Variants in GALNT5 observed in about 807,000 individuals in gnomAD.
The protein encoded by GALNT5 is polypeptide N-acetylgalactosaminyltransferase 5, also known as UDP-GalNAc:polypeptide N-acetylgalactosaminyltransferase 5.
Under a neutral mutation model 85.4 loss-of-function variants are expected in GALNT5, and 72 were observed. That is an observed-to-expected ratio of 0.84 (90% confidence interval 0.70 to 1.03). GALNT5 has a LOEUF of 1.03. Ranked by LOEUF, GALNT5 falls within the 50% of genes least tolerant of loss-of-function variation. The probability of loss-of-function intolerance (pLI) is 0.00; values close to 1 mark genes in which losing one functional copy is unlikely to be tolerated. For synonymous variants in GALNT5, 404 were observed against 397.0 expected (o/e 1.02, Z -0.21); for missense variants, 1,137 against 1,135.5 (o/e 1.00, Z -0.02).
At chr2:157,274,985 T>C (rs577882519) in intron 1 of GALNT5, among the ~76,000 whole-genome samples, 8 of 152,390 alleles carry the variant, frequency 5.2e-5, no homozygotes, top group Admixed American at 2.0e-4. Flanking sequence ...AAGTCTTTAA[T>C]CCATCTTGAA....
chr2:157,290,836 T>G (rs1004530871), intron 3 of GALNT5, among the ~76,000 whole-genome samples: 1 of 152,120 alleles, frequency 6.6e-6, no homozygotes. Context: ...AGAGGCTCTC[T>G]GAAAGTCTGC....
At chr2:157,274,147 C>T (rs1031952227) in intron 1 of GALNT5, among the ~76,000 whole-genome samples, 12 of 152,142 alleles carry the variant, frequency 7.9e-5, no homozygotes, top group African/African-American at 2.9e-4. Context: ...CTACAAAGGA[C>T]ATGAACTCAT....
intron 3 of GALNT5, among the ~76,000 whole-genome samples, chr2:157,291,815 C>T (rs1042186785): frequency 2.6e-5 from 4 of 152,082 alleles, no homozygotes; most frequent in Non-Finnish European, 5.9e-5. Flanking sequence ...AAATCTAGTG[C>T]TCTGTAGCAC....
intron 1 of GALNT5, 39 bp downstream of exon 1, chr2:157,259,575 G>A: frequency 3.1e-6 from 4 of 1,301,974 alleles, no homozygotes; most frequent in South Asian, 3.2e-5. Flanking sequence ...AACCCCAAGT[G>A]CTTTGGCTGT....
chr2:157,276,978 T>G (rs1682744448), intron 1 of GALNT5, among the ~76,000 whole-genome samples: 1 of 152,238 alleles, frequency 6.6e-6, no homozygotes, highest in Non-Finnish European at 1.5e-5. Context: ...AATTTCCCTC[T>G]ACACACTGCT....
intron 1 of GALNT5, among the ~76,000 whole-genome samples, chr2:157,277,531 T>C (rs954762982): frequency 2.6e-5 from 4 of 152,248 alleles, no homozygotes; most frequent in African/African-American, 7.2e-5. Flanking sequence ...ATATTTAGGA[T>C]AGTTAGCTCT....
At chr2:157,292,142 A>G (rs1407955726) in intron 3 of GALNT5, among the ~76,000 whole-genome samples, 1 of 152,222 alleles carries the variant, frequency 6.6e-6, no homozygotes, top group Non-Finnish European at 1.5e-5. Flanking sequence ...AAGCTCAAAA[A>G]AGTTAAGTAA....
chr2:157,277,063 C>T (rs888178941), intron 1 of GALNT5, among the ~76,000 whole-genome samples: 9 of 152,010 alleles, frequency 5.9e-5, no homozygotes, highest in Admixed American at 5.9e-4. Flanking sequence ...TTATTTCTGC[C>T]TTCATTTCGT....
intron 3 of GALNT5, among the ~76,000 whole-genome samples, chr2:157,286,542 C>A (rs1337482482): frequency 6.6e-6 from 1 of 152,106 alleles, no homozygotes. Flanking sequence ...CTCGCTCTGT[C>A]ACCCAGGCTG....
Position 157,259,283 on chromosome 2 carries a change from C to G in GALNT5, c.1201C>G (p.Pro401Ala), listed in dbSNP as rs771062178. The change falls in exon 1 of 10, where the codon CCC (proline) becomes GCC (alanine). Residue 401 changes from proline (P) to alanine (A), a missense_variant. Physicochemically the swap from Pro to Ala is conservative, Grantham distance 27. Coordinates refer to ENST00000259056, the MANE Select transcript of GALNT5 (RefSeq NM_014568.3). ...AAAAATCAACATAACTGCCAAAGCC[C>G]CCTCTACAGAATACAACCAGAGTCA... Reference protein sequence around the residue: ...PAKINITAKAPSTEYNQSHIK... With the variant: ...PAKINITAKAASTEYNQSHIK... 14 of 1,610,204 alleles carry G rather than the reference C, an allele frequency of 8.7e-6. No individual in the cohort carries two copies. Among genetic ancestry groups the G allele is most frequent in the Non-Finnish European group, 1.2e-5 (14 of 1,178,430 alleles).
At chr2:157,277,911 T>C (rs1269674567) in intron 1 of GALNT5, among the ~76,000 whole-genome samples, 1 of 152,236 alleles carries the variant, frequency 6.6e-6, no homozygotes, top group Non-Finnish European at 1.5e-5. Flanking sequence ...AGTTTCTTCA[T>C]AGCATCGATG....
In GALNT5 at chr2:157,262,362, C is replaced by CA. The variant is rs370196189; in HGVS notation, c.1454+2827dup. On this transcript the variant is annotated intron_variant, in intron 1 of 9. Coordinates refer to ENST00000259056, the MANE Select transcript of GALNT5 (RefSeq NM_014568.3). ...TTACCATTAAGAAGTAGAGGACAGG[C>CA]ATGGTAGCTCAAGCCTGTAATCTCA... is the stretch of plus-strand genomic sequence containing the variant. Among the ~76,000 whole-genome samples, 705 of 152,200 alleles carry CA rather than the reference C, an allele frequency of 4.6e-3. 5 individuals carry two copies. The highest frequency in any genetic ancestry group is 0.016 in the African/African-American group (662 of 41,540).
chr2:157,300,125 A>T (rs914791797), intron 6 of GALNT5, among the ~76,000 whole-genome samples: 1 of 152,242 alleles, frequency 6.6e-6, no homozygotes, highest in African/African-American at 2.4e-5. Context: ...TGGGCACTTT[A>T]TACAATCTAT....
intron 7 of GALNT5, among the ~76,000 whole-genome samples, chr2:157,303,666 C>T (rs1402886935): frequency 2.0e-5 from 3 of 151,976 alleles, no homozygotes; most frequent in Non-Finnish European, 4.4e-5. Context: ...GTAAAAGTAC[C>T]TTCCATGGCA....
intron 1 of GALNT5, among the ~76,000 whole-genome samples, chr2:157,273,336 A>G (rs921618193): frequency 6.6e-6 from 1 of 151,948 alleles, no homozygotes; most frequent in Admixed American, 6.6e-5. Flanking sequence ...AACCAAATAG[A>G]CCAATTTTTT....
chr2:157,287,948 T>C (rs149691833), intron 3 of GALNT5, among the ~76,000 whole-genome samples: 22 of 152,342 alleles, frequency 1.4e-4, no homozygotes, highest in Admixed American at 7.8e-4. Flanking sequence ...TATGAGAATA[T>C]AGAGGCACAG....
At chr2:157,289,542 T>C (rs1683049957) in intron 3 of GALNT5, among the ~76,000 whole-genome samples, 1 of 152,172 alleles carries the variant, frequency 6.6e-6, no homozygotes, top group South Asian at 2.1e-4. Context: ...AATAAATTGA[T>C]TTAGTGATTG....
intron 1 of GALNT5, among the ~76,000 whole-genome samples, chr2:157,261,171 C>A (rs62175180): frequency 0.022 from 3,322 of 152,132 alleles, 48 homozygotes; most frequent in Non-Finnish European, 0.031. Flanking sequence ...AAAGCAGTTT[C>A]ATTTTAACAT....
intron 3 of GALNT5, among the ~76,000 whole-genome samples, chr2:157,294,228 T>C (rs1436928142): frequency 6.6e-6 from 1 of 152,190 alleles, no homozygotes; most frequent in Non-Finnish European, 1.5e-5. Flanking sequence ...AACAGGAGGC[T>C]GAACAGGAGA....
Sources: allele counts gnomAD v4.1 joint callset (sites outside exome capture counted in the v4.1 genomes callset), GRCh38; gene constraint gnomAD v4.1.1; transcripts MANE v1.5; gene names NCBI Gene and HGNC (gene_info 2026-07-23, HGNC 2026-07-21).